Variants in FECH observed in about 807,000 individuals in gnomAD.
FECH encodes ferrochelatase, mitochondrial.
FECH carries 40 observed loss-of-function variants against 56.9 expected under a neutral mutation model. That is an observed-to-expected ratio of 0.70 (90% CI 0.55 to 0.92). The LOEUF (loss-of-function observed/expected upper bound fraction) is 0.92, where lower values mean the gene tolerates loss of function less well. Ranked by LOEUF, FECH falls within the 40% of genes least tolerant of loss-of-function variation. FECH has a pLI of 0.00. For synonymous variants in FECH, 175 were observed against 198.6 expected, an observed-to-expected ratio of 0.88 and a Z score of 1.00; for missense variants, 431 against 529.1, an observed-to-expected ratio of 0.81 and a Z score of 1.82.
rs142573750 is a variant in FECH at position 57,561,457 on chromosome 18, G to A, written c.705+1417C>T. Reference sequence around the variant, plus strand: ...TCAAAACTGAGGCGCCATGGGCAAGGAGAAGTGCTATTTAAATCACCTAAA... The same window carrying A: ...TCAAAACTGAGGCGCCATGGGCAAGAAGAAGTGCTATTTAAATCACCTAAA... On this transcript the variant is annotated intron_variant, in intron 6 of 10. Transcript: ENST00000262093. 5.0e-4 allele frequency among the ~76,000 whole-genome samples: 76 copies of A among 152,292 alleles called. 2 individuals carry two copies. The East Asian group carries it at 0.014, about 28-fold the overall frequency.
chr18:57,571,962 G>A (rs977138492), intron 3 of FECH, among the ~76,000 whole-genome samples: 15 of 152,296 alleles, frequency 9.8e-5, no homozygotes, highest in African/African-American at 3.1e-4. Flanking sequence ...GCATATAGGA[G>A]CAAAGATGTA....
intron 1 of FECH, among the ~76,000 whole-genome samples, chr18:57,582,757 CAAA>C (rs572019088): frequency 8.2e-6 from 1 of 122,080 alleles, no homozygotes; most frequent in East Asian, 2.3e-4. Context: ...ACTAAAAATA[CAAA>C]AAAAAAAAAA....
chr18:57,583,269 C>T lies in FECH; in HGVS notation c.68-3070G>A, dbSNP rs145404210. Among the ~76,000 whole-genome samples, 34 of 152,326 alleles carry T rather than the reference C, an allele frequency of 2.2e-4. 1 individual carries two copies. The East Asian group carries it at 6.0e-3, about 27-fold the overall frequency. On this transcript the variant is annotated intron_variant, in intron 1 of 10. Transcript: ENST00000262093. Reference sequence around the variant, plus strand: ...TTAAAGTAAACATTCAAAGGGCCAACTGAGACTCTGGAAAAGACTCAGCTC... The same window carrying T: ...TTAAAGTAAACATTCAAAGGGCCAATTGAGACTCTGGAAAAGACTCAGCTC...
At chr18:57,561,617 G>C (rs1333289032) in intron 6 of FECH, among the ~76,000 whole-genome samples, 1 of 152,182 alleles carries the variant, frequency 6.6e-6, no homozygotes, top group Non-Finnish European at 1.5e-5. Context: ...TATGAACAGA[G>C]ACTTCCTCAG....
chr18:57,556,318 T>C (rs1362449204), intron 7 of FECH, among the ~76,000 whole-genome samples: 1 of 152,180 alleles, frequency 6.6e-6, no homozygotes, highest in Admixed American at 6.5e-5. Context: ...AAAATCTCTG[T>C]ATTGTCTTAA....
chr18:57,559,712 G>C (rs2050917171), intron 6 of FECH, among the ~76,000 whole-genome samples: 1 of 152,176 alleles, frequency 6.6e-6, no homozygotes, highest in Non-Finnish European at 1.5e-5. Flanking sequence ...AGAAAATACT[G>C]CTCTATTTTT....
chr18:57,558,240 G>A (rs1166348981), intron 7 of FECH, among the ~76,000 whole-genome samples: 1 of 152,232 alleles, frequency 6.6e-6, no homozygotes, highest in African/African-American at 2.4e-5. Context: ...GAAACTGGTT[G>A]CTTATTCCAA....
chr18:57,557,473 CAG>C (rs2050883564), intron 7 of FECH, among the ~76,000 whole-genome samples: 1 of 152,128 alleles, frequency 6.6e-6, no homozygotes, highest in Non-Finnish European at 1.5e-5. Flanking sequence ...AGGCCACGGT[CAG>C]AGGAGGCAAG....
At chr18:57,572,331 A>G (rs1327604681) in intron 3 of FECH, among the ~76,000 whole-genome samples, 2 of 151,958 alleles carry the variant, frequency 1.3e-5, no homozygotes, top group Admixed American at 6.6e-5. Flanking sequence ...CAAACACCGC[A>G]TGTTCTCACT....
At chr18:57,566,030 T>C (rs2051011421) in intron 5 of FECH, among the ~76,000 whole-genome samples, 2 of 152,204 alleles carry the variant, frequency 1.3e-5, no homozygotes, top group Admixed American at 6.5e-5. Flanking sequence ...AGCAACAAAA[T>C]ATCAGTATTT....
At chr18:57,570,809 T>C (rs940277589) in intron 4 of FECH, among the ~76,000 whole-genome samples, 12 of 152,232 alleles carry the variant, frequency 7.9e-5, no homozygotes, top group Non-Finnish European at 1.6e-4. Flanking sequence ...TAGTGGTTCA[T>C]TCTGCACACT....
Position 57,550,606 on chromosome 18 carries a change from A to T in FECH, c.*106T>A. ...TGTACCCAAAGGCTGTATATATATC[A>T]AGGAAGGATGACTTCCTTCCTTGAT... On this transcript the variant is annotated 3_prime_UTR_variant, in exon 11 of 11. Coordinates refer to ENST00000262093, the MANE Select transcript of FECH (RefSeq NM_000140.5). The T allele has an allele frequency of 6.9e-7, 1 of 1,450,444 alleles. No individual in the cohort carries two copies. The allele number at this position is 1,450,444 out of a possible 1,614,324, so 89.8% of individuals were successfully genotyped here.
At chr18:57,572,716 G>A (rs1466638366) in intron 3 of FECH, among the ~76,000 whole-genome samples, 2 of 151,804 alleles carry the variant, frequency 1.3e-5, no homozygotes, top group East Asian at 3.9e-4. Flanking sequence ...ATAACTGGGA[G>A]TGCAAGGTGA....
intron 7 of FECH, among the ~76,000 whole-genome samples, chr18:57,555,927 G>A (rs748279905): frequency 3.3e-5 from 5 of 152,156 alleles, no homozygotes; most frequent in Admixed American, 2.6e-4. Flanking sequence ...TCAGGAGTTC[G>A]AGACCAGCCT....
At chr18:57,572,513 TA>T (rs57279341) in intron 3 of FECH, among the ~76,000 whole-genome samples, 31,840 of 55,744 alleles carry the variant, frequency 0.57, 7,987 homozygotes, top group East Asian at 0.91. Context: ...TATACGTATG[TA>T]AAAAAAAAAA....
chr18:57,576,409 T>C (rs778548640), intron 2 of FECH, among the ~76,000 whole-genome samples: 3 of 152,236 alleles, frequency 2.0e-5, no homozygotes, highest in African/African-American at 7.2e-5. Flanking sequence ...GAAACTAATA[T>C]TCGTTTAATC....
At position 57,570,252 on chromosome 18, in the gene FECH, T is replaced by C. The variant is rs76499901; in HGVS notation, c.463+1140A>G. Among the ~76,000 whole-genome samples the C allele has an allele frequency of 7.7e-3, 1,170 of 152,242 alleles. 34 individuals carry two copies. In the East Asian group the frequency reaches 0.092, roughly 12 times the overall value. On this transcript the variant is annotated intron_variant, in intron 4 of 10. Coordinates refer to ENST00000262093, the MANE Select transcript of FECH (RefSeq NM_000140.5). ...TGACTGGAGTTTGTTCTCTAGTAAG[T>C]AGGTGTGAATGGAGGGCTGACATTT... is the stretch of plus-strand genomic sequence containing the variant.
At chr18:57,573,688 T>C (rs1326919708) in intron 2 of FECH, among the ~76,000 whole-genome samples, 1 of 152,210 alleles carries the variant, frequency 6.6e-6, no homozygotes, top group Non-Finnish European at 1.5e-5. Context: ...AAATCTAAAA[T>C]TGTCCTGCAG....
At chr18:57,562,530 G>A (rs564426705) in intron 6 of FECH, among the ~76,000 whole-genome samples, 36 of 151,882 alleles carry the variant, frequency 2.4e-4, no homozygotes, top group Non-Finnish European at 4.3e-4. Context: ...AATTTAATTC[G>A]TTGGTCAGTC....
Sources: gnomAD v4.1 joint callset for allele counts (sites outside exome capture counted in the v4.1 genomes callset) on GRCh38, gnomAD v4.1.1 for gene constraint, MANE v1.5 for transcripts, NCBI Gene and HGNC (gene_info 2026-07-23, HGNC 2026-07-21) for gene names.